Variants in IQGAP3 observed in about 807,000 individuals in gnomAD.
IQGAP3 encodes ras GTPase-activating-like protein IQGAP3.
A neutral mutation model predicts 208.2 loss-of-function variants in IQGAP3; 165 were observed. That is an observed-to-expected ratio of 0.79 (90% CI 0.70 to 0.90). The LOEUF (loss-of-function observed/expected upper bound fraction) is 0.90, where lower values mean the gene tolerates loss of function less well. Ranked by LOEUF, IQGAP3 falls within the 40% of genes least tolerant of loss-of-function variation. The pLI is 0.00. For missense variants in IQGAP3, 1,811 were observed against 2,043.1 expected, an observed-to-expected ratio of 0.89 and a Z score of 2.19; for synonymous variants, 703 against 803.6, an observed-to-expected ratio of 0.87 and a Z score of 2.12.
chr1:156,538,791 C>G lies in IQGAP3; in HGVS notation c.3281+18G>C. ...ACAGCTGATCAAAGAGAGCTCCTCCCTCTGCCCATGTGCTCACCTGCGCTG... is the reference window on the plus strand; with the variant it reads ...ACAGCTGATCAAAGAGAGCTCCTCCGTCTGCCCATGTGCTCACCTGCGCTG... On this transcript the variant is annotated intron_variant, in intron 26 of 37. Coordinates refer to ENST00000361170, the MANE Select transcript of IQGAP3 (RefSeq NM_178229.5). 1 of 1,602,710 alleles carries G rather than the reference C, an allele frequency of 6.2e-7. No homozygotes were observed. The highest frequency in any genetic ancestry group is 8.5e-7 in the Non-Finnish European group (1 of 1,169,932).
At chr1:156,536,253 TA>T (rs1348240415) in intron 27 of IQGAP3, among the ~76,000 whole-genome samples, 3 of 151,970 alleles carry the variant, frequency 2.0e-5, no homozygotes, top group Admixed American at 1.3e-4. Context: ...GACCCTGTCT[TA>T]AAAATAATAA....
At position 156,566,483 on chromosome 1, in the gene IQGAP3, C is replaced by G. The variant is rs1424044919; in HGVS notation, c.189G>C (p.Arg63=). The G allele has an allele frequency of 6.2e-7, 1 of 1,614,156 alleles. No individual in the cohort carries two copies. The highest frequency in any genetic ancestry group is 1.7e-5 in the Admixed American group (1 of 60,022). Residue 63 remains arginine (R), a synonymous_variant, in exon 3 of 38, where the codon CGG becomes CGC. Coordinates refer to ENST00000361170, the MANE Select transcript of IQGAP3 (RefSeq NM_178229.5). The stretch of plus-strand genomic sequence containing the variant: ...CTAGCTTGGCCAGCAGCACTCCATT[C>G]CGAAGGCTCTCCTCCAGCTCCACCG... ...PSPVELEESL[R]NGVLLAKLGH... is the part of the protein sequence containing the mutation.
intron 19 of IQGAP3, among the ~76,000 whole-genome samples, chr1:156,545,463 C>A (rs1415443364): frequency 6.6e-6 from 1 of 151,080 alleles, no homozygotes; most frequent in Non-Finnish European, 1.5e-5. Flanking sequence ...GTCCCTGAAC[C>A]TTTTATACTC....
intron 11 of IQGAP3, 132 bp downstream of exon 11, chr1:156,560,802 G>T: frequency 1.6e-6 from 1 of 616,802 alleles, no homozygotes; most frequent in Non-Finnish European, 2.9e-6. Context: ...TATGTGAGGG[G>T]AGAAGTTCCT....
intron 25 of IQGAP3, 52 bp downstream of exon 25, chr1:156,539,322 G>A (rs771156440): frequency 1.9e-6 from 3 of 1,551,150 alleles, no homozygotes; most frequent in African/African-American, 2.7e-5. Flanking sequence ...GAGCCAACAG[G>A]GGGATCTCTT....
intron 13 of IQGAP3, among the ~76,000 whole-genome samples, chr1:156,553,357 G>A (rs1012039279): frequency 4.6e-5 from 7 of 152,050 alleles, no homozygotes; most frequent in Non-Finnish European, 7.4e-5. Context: ...GCTTCCTGAT[G>A]TTCTTTGAAC....
At position 156,551,807 on chromosome 1, in the gene IQGAP3, CAG is replaced by C. The variant is rs752578774; in HGVS notation, c.1630_1631del (p.Leu544ValfsTer12). 6 of 1,613,834 alleles carry C rather than the reference CAG, an allele frequency of 3.7e-6. No homozygotes were observed. The highest frequency in any genetic ancestry group is 1.1e-5 in the South Asian group (1 of 91,024). On this transcript the variant is annotated frameshift_variant, in exon 15 of 38. Transcript: ENST00000361170. LOFTEE classifies it high-confidence loss of function. ...ALDKGSPEKT[L>X]SALLLPAAGL... ...CAGCTGCAGGAAGCAGTAGGGCAGACAGAGTCTTCTCAGGGCTGCCTTTGTCC... is the reference window on the plus strand; with the variant it reads ...CAGCTGCAGGAAGCAGTAGGGCAGACAGTCTTCTCAGGGCTGCCTTTGTCC...
intron 27 of IQGAP3, 34 bp downstream of exon 27, chr1:156,537,147 C>T (rs772947579): frequency 1.9e-6 from 3 of 1,599,916 alleles, no homozygotes; most frequent in Non-Finnish European, 2.6e-6. Context: ...CTTGAAATCC[C>T]ATGCGTAGGC....
chr1:156,555,515 CA>C (rs1675785698), intron 12 of IQGAP3, among the ~76,000 whole-genome samples: 2 of 152,250 alleles, frequency 1.3e-5, no homozygotes, highest in Middle Eastern at 3.4e-3. Context: ...CATGAACCCC[CA>C]CACCCAGCCC....
chr1:156,534,125 C>G lies in IQGAP3; in HGVS notation c.3757G>C (p.Ala1253Pro). The G allele has an allele frequency of 6.2e-7, 1 of 1,613,832 alleles. No individual in the cohort carries two copies. The highest frequency in any genetic ancestry group is 1.1e-5 in the South Asian group (1 of 91,082). Residue 1253 changes from alanine to proline, a missense_variant, in exon 30 of 38, where the codon GCC becomes CCC. By Grantham distance (27) the Ala-to-Pro change is conservative. Transcript: ENST00000361170. Reference sequence around the variant, plus strand: ...TCCTCTGGCTCTGGCACCTGGCAGGCTCTATGGATGAACTTCCTGTCCAGA... The same window carrying G: ...TCCTCTGGCTCTGGCACCTGGCAGGGTCTATGGATGAACTTCCTGTCCAGA... Reference protein sequence around the residue: ...HLKFRKFIHRACQVPEPEERF... With the variant: ...HLKFRKFIHRPCQVPEPEERF...
At chr1:156,568,202 CA>C (rs1339857297) in intron 2 of IQGAP3, among the ~76,000 whole-genome samples, 5 of 152,048 alleles carry the variant, frequency 3.3e-5, no homozygotes, top group African/African-American at 1.2e-4. Flanking sequence ...GTCTTCTTGT[CA>C]AAAATGGCTT....
At chr1:156,534,816 G>A in intron 28 of IQGAP3, 83 bp from the exon 29 acceptor site, 1 of 1,097,380 alleles carries the variant, frequency 9.1e-7, no homozygotes, top group Non-Finnish European at 1.3e-6. Flanking sequence ...TGCTTGGCTG[G>A]AAGGGACACC....
chr1:156,568,985 A>G (rs1676522143), intron 2 of IQGAP3, among the ~76,000 whole-genome samples: 1 of 151,696 alleles, frequency 6.6e-6, no homozygotes, highest in Non-Finnish European at 1.5e-5. Flanking sequence ...GAAGACATAC[A>G]AGCAGATGTA....
chr1:156,538,056 G>A (rs546862067), intron 26 of IQGAP3, among the ~76,000 whole-genome samples: 6 of 151,232 alleles, frequency 4.0e-5, no homozygotes, highest in Non-Finnish European at 8.8e-5. Flanking sequence ...AACACCCGGC[G>A]AATTTTTGTA....
rs573682075 is a variant in IQGAP3, at chr1:156,555,046, C to A, written c.1291-654G>T. Among the ~76,000 whole-genome samples the A allele has an allele frequency of 3.9e-3, 599 of 151,898 alleles. 6 individuals are homozygous for A. The highest frequency in any genetic ancestry group is 0.014 in the African/African-American group (576 of 41,352). Reference sequence around the variant, plus strand: ...TCTAGCCTGGGTGACAGAGCCAGACCGTCTTAAAATAAAAAAAAAAATTGA... The same window carrying A: ...TCTAGCCTGGGTGACAGAGCCAGACAGTCTTAAAATAAAAAAAAAAATTGA... On this transcript the variant is annotated intron_variant, in intron 12 of 37. Transcript: ENST00000361170.
At chr1:156,549,629 C>A (rs532672733) in intron 16 of IQGAP3, among the ~76,000 whole-genome samples, 75 of 152,152 alleles carry the variant, frequency 4.9e-4, no homozygotes, top group Non-Finnish European at 2.2e-4. Flanking sequence ...CAGAGTAAGA[C>A]CCTGTCTTAA....
chr1:156,549,000 T>C (rs1571338447), intron 16 of IQGAP3, among the ~76,000 whole-genome samples: 1 of 152,156 alleles, frequency 6.6e-6, no homozygotes, highest in East Asian at 1.9e-4. Flanking sequence ...TAGGCTGAGT[T>C]GGGGCTTGAT....
chr1:156,545,349 T>G (rs1000588052), intron 19 of IQGAP3, among the ~76,000 whole-genome samples: 5 of 152,188 alleles, frequency 3.3e-5, no homozygotes, highest in African/African-American at 9.7e-5. Flanking sequence ...CTCAACCATC[T>G]GACCCAACAC....
intron 22 of IQGAP3, 97 bp downstream of exon 22, chr1:156,543,884 T>C: frequency 9.7e-7 from 1 of 1,036,076 alleles, no homozygotes; most frequent in South Asian, 1.3e-5. Flanking sequence ...ACCTTCCCCT[T>C]ACCTGCTGTG....
Sources: gnomAD v4.1 joint callset for allele counts (sites outside exome capture counted in the v4.1 genomes callset) on GRCh38, gnomAD v4.1.1 for gene constraint, MANE v1.5 for transcripts, NCBI Gene and HGNC (gene_info 2026-07-23, HGNC 2026-07-21) for gene names.